The following TIGD7 variants were observed in gnomAD, a reference collection of about 807,000 sequenced individuals.
The protein encoded by TIGD7 is tigger transposable element-derived protein 7.
A neutral mutation model predicts 24.8 loss-of-function variants in TIGD7; 26 were observed. The observed-to-expected ratio is 1.05, with a 90% CI of 0.77 to 1.45. The LOEUF (loss-of-function observed/expected upper bound fraction) is 1.45, where lower values mean the gene tolerates loss of function less well. Ranked by LOEUF, TIGD7 falls within the 40% of genes most tolerant of loss-of-function variation. TIGD7 has a pLI of 0.00. For missense variants in TIGD7, 679 were observed against 641.6 expected (o/e 1.06, Z -0.63); for synonymous variants, 221 against 224.1 (o/e 0.99, Z 0.12).
chr16:3,299,432 T>A lies in TIGD7; in HGVS notation c.1183A>T (p.Ile395Leu), dbSNP rs145207288. The A allele has an allele frequency of 2.2e-3, 3,407 of 1,562,098 alleles. 11 individuals are homozygous for A. The highest frequency in any genetic ancestry group is 3.9e-3 in the Admixed American group (194 of 49,474). Reference sequence around the variant, plus strand: ...AGAAGATTTTCCCATGCATTTGCTATGGTTATTTGTTTTACTTCTTCCCAA... The same window carrying A: ...AGAAGATTTTCCCATGCATTTGCTAAGGTTATTTGTTTTACTTCTTCCCAA... The part of the protein sequence containing the change: ...KSWEEVKQIT[I>L]ANAWENLLYK... The change falls in exon 2 of 2, where the codon ATA (isoleucine) becomes TTA (leucine). Residue 395 changes from isoleucine (I) to leucine (L), a missense_variant. Ile to Leu is a conservative substitution (Grantham distance 5). Transcript: ENST00000396862.
rs1294876260 is a variant in TIGD7 at position 3,299,511 on chromosome 16, A to C, written c.1104T>G (p.Val368=). The part of the protein sequence containing the change: ...DDEQEKGDKG[V]SKIKIYNIKS... ...TTATATTGTAGATTTTAATTTTGGA[A>C]ACTCCTTTATCTCCTTTCTCTTGCT... Residue 368 remains valine (V), a synonymous_variant, in exon 2 of 2, where the codon GTT becomes GTG. Coordinates refer to ENST00000396862, the MANE Select transcript of TIGD7 (RefSeq NM_033208.4). The C allele has an allele frequency of 9.8e-6, 15 of 1,533,922 alleles. No individual in the cohort carries two copies. The highest frequency in any genetic ancestry group is 1.1e-5 in the Non-Finnish European group (13 of 1,144,766).
At position 3,301,370 on chromosome 16, in the gene TIGD7, T is replaced by C. The variant is rs942333300; in HGVS notation, c.-756A>G. On this transcript the variant is annotated 5_prime_UTR_variant, in exon 2 of 2. Coordinates refer to ENST00000396862, the MANE Select transcript of TIGD7 (RefSeq NM_033208.4). ...ACATATGAATGAAATCCAACTTTTA[T>C]TGCATTCAATATAGTATTGTCAAGC... The C allele has an allele frequency of 7.8e-5, 13 of 167,118 alleles. No homozygotes were observed. Among genetic ancestry groups the C allele is most frequent in the Non-Finnish European group, 1.5e-4 (10 of 68,128 alleles). 10.4% of individuals were successfully genotyped at this position (167,118 alleles called of 1,614,324 possible).
Position 3,299,407 on chromosome 16 carries a change from A to G in TIGD7, c.1208T>C (p.Leu403Pro). 1.3e-6 allele frequency: 2 copies of G among 1,553,676 alleles called. No individual in the cohort carries two copies. Among genetic ancestry groups the G allele is most frequent in the Non-Finnish European group, 1.7e-6 (2 of 1,151,168 alleles). The change falls in exon 2 of 2, where the codon CTT becomes CCT. Residue 403 changes from leucine to proline, a missense_variant. By Grantham distance (98) the Leu-to-Pro change is moderately conservative. Coordinates refer to ENST00000396862, the MANE Select transcript of TIGD7 (RefSeq NM_033208.4). ...ATCATATTCAGGTTCCTTTTTGTAAAGAAGATTTTCCCATGCATTTGCTAT... is the reference window on the plus strand; with the variant it reads ...ATCATATTCAGGTTCCTTTTTGTAAGGAAGATTTTCCCATGCATTTGCTAT... ...ITIANAWENL[L>P]YKKEPEYDFQ... is the part of the protein sequence containing the mutation.
In TIGD7 at chr16:3,302,831, G is replaced by A. The variant is rs1425522032; in HGVS notation, c.-1395-822C>T. ...TTCAATGCTTCTCAGCTGTGCCGTC[G>A]TCTTTTTTTTTTTTTTTTTTTTTTG... On this transcript the variant is annotated intron_variant, in intron 1 of 1. Coordinates refer to ENST00000396862, the MANE Select transcript of TIGD7 (RefSeq NM_033208.4). Among the ~76,000 whole-genome samples the A allele has an allele frequency of 1.3e-4, 19 of 143,604 alleles. No homozygotes were observed. The Admixed American group carries it at 1.3e-3, about 10-fold the overall frequency. The allele number at this position is 143,604 out of a possible 152,430, so 94.2% of individuals were successfully genotyped here.
At chr16:3,303,602 G>A (rs968772752) in intron 1 of TIGD7, among the ~76,000 whole-genome samples, 1 of 152,136 alleles carries the variant, frequency 6.6e-6, no homozygotes, top group Non-Finnish European at 1.5e-5. Context: ...AAGTGACTTA[G>A]GCAGATGCTC....
rs2150780000 is a variant in TIGD7, at chr16:3,300,843, G to A, written c.-229C>T. 1 of 559,348 alleles carries A rather than the reference G, an allele frequency of 1.8e-6. No homozygotes were observed. The highest frequency in any genetic ancestry group is 2.9e-6 in the Non-Finnish European group (1 of 343,390). 34.6% of individuals were successfully genotyped at this position (559,348 alleles called of 1,614,324 possible). A position where few individuals can be genotyped will look rare whatever the true frequency, so the allele number is the denominator to read the frequency against. On this transcript the variant is annotated 5_prime_UTR_variant, in exon 2 of 2. An upstream open reading frame in the 5' UTR gains an earlier in-frame stop. Transcript: ENST00000396862. Reference sequence around the variant, plus strand: ...AGCTGCCAGTTGCAAAGTCCTGTCTGGCTCTTGCTCCTGCAAGCCATGAGT... The same window carrying A: ...AGCTGCCAGTTGCAAAGTCCTGTCTAGCTCTTGCTCCTGCAAGCCATGAGT...
rs1460343401 is a variant in TIGD7, at chr16:3,300,557, T to C, written c.58A>G (p.Ser20Gly). Residue 20 changes from serine to glycine, a missense_variant, in exon 2 of 2, where the codon AGT (serine) becomes GGT (glycine). By Grantham distance (56) the Ser-to-Gly change is moderately conservative (BLOSUM62 0). Coordinates refer to ENST00000396862, the MANE Select transcript of TIGD7 (RefSeq NM_033208.4). ...LNLEEKMKVL[S>G]RIEAGRSLKS... Reference sequence around the variant, plus strand: ...AGTGATCGTCCAGCTTCAATTCTACTTAGAACCTTCATTTTCTCCTCCAAA... The same window carrying C: ...AGTGATCGTCCAGCTTCAATTCTACCTAGAACCTTCATTTTCTCCTCCAAA... The C allele has an allele frequency of 1.2e-6, 2 of 1,608,700 alleles. No individual in the cohort carries two copies. Among genetic ancestry groups the C allele is most frequent in the South Asian group, 1.1e-5 (1 of 90,060 alleles).
In TIGD7 at chr16:3,300,688, C is replaced by A. The variant is rs1286228013; in HGVS notation, c.-74G>T. 2.6e-5 allele frequency: 40 copies of A among 1,510,718 alleles called. No individual in the cohort carries two copies. Among genetic ancestry groups the A allele is most frequent in the Non-Finnish European group, 9.7e-6 (11 of 1,134,592 alleles). The allele number at this position is 1,510,718 out of a possible 1,614,324, so 93.6% of individuals were successfully genotyped here. A position where few individuals can be genotyped will look rare whatever the true frequency, so the allele number is the denominator to read the frequency against. Reference sequence around the variant, plus strand: ...CTTAATGAATTGGCAAAAAAAAAACCCACATTTTTTAAACAAAACTTAGCT... The same window carrying A: ...CTTAATGAATTGGCAAAAAAAAAACACACATTTTTTAAACAAAACTTAGCT... On this transcript the variant is annotated 5_prime_UTR_variant, in exon 2 of 2. Coordinates refer to ENST00000396862, the MANE Select transcript of TIGD7 (RefSeq NM_033208.4).
In TIGD7 at chr16:3,298,916, TC is replaced by T. The variant is rs1567257926; in HGVS notation, c.*48del. 8 of 763,880 alleles carry T rather than the reference TC, an allele frequency of 1.0e-5. No individual in the cohort carries two copies. Among genetic ancestry groups the T allele is most frequent in the Non-Finnish European group, 1.5e-5 (8 of 524,500 alleles). The allele number at this position is 763,880 out of a possible 1,614,324, so 47.3% of individuals were successfully genotyped here. Reference sequence around the variant, plus strand: ...ATGTCAGTTGCTAAAACAAGACAATTCACAGCTGGCCTACATCATATAATGG... The same window carrying T: ...ATGTCAGTTGCTAAAACAAGACAATTACAGCTGGCCTACATCATATAATGG... On this transcript the variant is annotated 3_prime_UTR_variant, in exon 2 of 2. Coordinates refer to ENST00000396862, the MANE Select transcript of TIGD7 (RefSeq NM_033208.4).
rs1275544175 is a variant in TIGD7 at position 3,305,358 on chromosome 16, A to G, written c.-1542T>C. On this transcript the variant is annotated 5_prime_UTR_variant, in exon 1 of 2. Coordinates refer to ENST00000396862, the MANE Select transcript of TIGD7 (RefSeq NM_033208.4). ...CCTCTAGGCTTCAGCGGGTCTGGAT[A>G]CTCGGTGGCATTAACCCTTCCCTAC... 3 of 152,370 alleles carry G rather than the reference A, an allele frequency of 2.0e-5. No homozygotes were observed. The East Asian group carries it at 5.8e-4, about 29-fold the overall frequency. 9.4% of individuals were successfully genotyped at this position (152,370 alleles called of 1,614,324 possible).
chr16:3,300,272 C>T lies in TIGD7; in HGVS notation c.343G>A (p.Gly115Arg). 1 of 1,614,180 alleles carries T rather than the reference C, an allele frequency of 6.2e-7. No individual in the cohort carries two copies. The highest frequency in any genetic ancestry group is 1.7e-5 in the Admixed American group (1 of 60,010). The change falls in exon 2 of 2, where the codon GGG (glycine) becomes AGG (arginine). Residue 115 changes from glycine to arginine, a missense_variant. Transcript: ENST00000396862. ...GTGCTAGCTTTGAAATCTGTTCGCC[C>T]AAAACACCGTGCAAATCTCTCTGCA... ...AAAERFARCF[G>R]RTDFKASTGW...
At position 3,303,325 on chromosome 16, in the gene TIGD7, C is replaced by G. The variant is rs138082126; in HGVS notation, c.-1395-1316G>C. Reference sequence around the variant, plus strand: ...TGCTGCCTCTTTTTCCCATGAATCCCTTTTCCCTTTAACCAACTTCCTGTG... The same window carrying G: ...TGCTGCCTCTTTTTCCCATGAATCCGTTTTCCCTTTAACCAACTTCCTGTG... On this transcript the variant is annotated intron_variant, in intron 1 of 1. Transcript: ENST00000396862. 1.8e-3 allele frequency among the ~76,000 whole-genome samples: 280 copies of G among 152,342 alleles called. 2 individuals carry two copies. Among genetic ancestry groups the G allele is most frequent in the Middle Eastern group, 0.01 (3 of 294 alleles).
At position 3,299,513 on chromosome 16, in the gene TIGD7, C is replaced by T. The variant is rs954351026; in HGVS notation, c.1102G>A (p.Val368Ile). Residue 368 changes from valine to isoleucine, a missense_variant, in exon 2 of 2, where the codon GTT (valine) becomes ATT (isoleucine). Physicochemically the swap from Val to Ile is conservative, Grantham distance 29 (BLOSUM62 3). Coordinates refer to ENST00000396862, the MANE Select transcript of TIGD7 (RefSeq NM_033208.4). ...DDEQEKGDKG[V>I]SKIKIYNIKS... ...ATATTGTAGATTTTAATTTTGGAAA[C>T]TCCTTTATCTCCTTTCTCTTGCTCA... The T allele has an allele frequency of 3.3e-6, 5 of 1,528,782 alleles. No individual in the cohort carries two copies. The highest frequency in any genetic ancestry group is 3.5e-6 in the Non-Finnish European group (4 of 1,142,546). The allele number at this position is 1,528,782 out of a possible 1,614,324, so 94.7% of individuals were successfully genotyped here.
rs993957416 is a variant in TIGD7 at position 3,300,968 on chromosome 16, A to G, written c.-354T>C. The G allele has an allele frequency of 5.0e-6, 1 of 200,400 alleles. No homozygotes were observed. Among genetic ancestry groups the G allele is most frequent in the Non-Finnish European group, 1.1e-5 (1 of 89,904 alleles). 12.4% of individuals were successfully genotyped at this position (200,400 alleles called of 1,614,324 possible). A position where few individuals can be genotyped will look rare whatever the true frequency, so the allele number is the denominator to read the frequency against. On this transcript the variant is annotated 5_prime_UTR_variant, in exon 2 of 2. Coordinates refer to ENST00000396862, the MANE Select transcript of TIGD7 (RefSeq NM_033208.4). ...ATACCTGCATACTTTCCCTAACTCA[A>G]TACCGGAAAACGGACAATATGAAGA... is the stretch of plus-strand genomic sequence containing the variant.
Position 3,299,799 on chromosome 16 carries a change from A to T in TIGD7, c.816T>A (p.Pro272=). ...CATTAAGTTGAAAATGTCGGACCTC[A>T]GGAACAAAGTTTTGAAAAAACCATT... The part of the protein sequence containing the change: ...FSEWFFQNFV[P]EVRHFQLNVL... Residue 272 remains proline (P), a synonymous_variant, in exon 2 of 2, where the codon CCT becomes CCA. Transcript: ENST00000396862. The T allele has an allele frequency of 6.3e-7, 1 of 1,583,586 alleles. No homozygotes were observed. The highest frequency in any genetic ancestry group is 1.2e-5 in the South Asian group (1 of 84,736).
chr16:3,300,187 TC>T lies in TIGD7; in HGVS notation c.427del (p.Glu143AsnfsTer4). The T allele has an allele frequency of 6.2e-7, 1 of 1,614,216 alleles. No homozygotes were observed. Among genetic ancestry groups the T allele is most frequent in the Non-Finnish European group, 8.5e-7 (1 of 1,180,044 alleles). On this transcript the variant is annotated frameshift_variant, in exon 2 of 2. Coordinates refer to ENST00000396862, the MANE Select transcript of TIGD7 (RefSeq NM_033208.4). LOFTEE classifies it high-confidence loss of function. ...HAIGNRKGCG[E>X]QVLSSVSENV... The stretch of plus-strand genomic sequence containing the variant: ...TTCAGAAACTGAACTTAGGACTTGT[TC>T]CCCACATCCTTTTCGGTTCCCAATT...
chr16:3,300,522 TAC>T lies in TIGD7; in HGVS notation c.91_92del (p.Val31AsnfsTer3). The T allele has an allele frequency of 1.2e-6, 2 of 1,614,054 alleles. No individual in the cohort carries two copies. On this transcript the variant is annotated frameshift_variant, in exon 2 of 2. Coordinates refer to ENST00000396862, the MANE Select transcript of TIGD7 (RefSeq NM_033208.4). LOFTEE classifies it high-confidence loss of function. ...RIEAGRSLKS[V>X]MDEFGISKST... The stretch of plus-strand genomic sequence containing the variant: ...ACTTACTGATTCCAAATTCATCCAT[TAC>T]ACTTTTAAGTGATCGTCCAGCTTCA...
chr16:3,301,206 T>C lies in TIGD7; in HGVS notation c.-592A>G, dbSNP rs531641486. On this transcript the variant is annotated 5_prime_UTR_variant, in exon 2 of 2. An upstream start codon of the reference 5' UTR is lost. Coordinates refer to ENST00000396862, the MANE Select transcript of TIGD7 (RefSeq NM_033208.4). ...AATGGTGCTCAAATTGCTTTGTACA[T>C]AGTGTTCACTGGGCAGCAGTTCATC... 6.0e-5 allele frequency: 10 copies of C among 167,378 alleles called. No individual in the cohort carries two copies. Among genetic ancestry groups the C allele is most frequent in the African/African-American group, 2.4e-4 (10 of 41,584 alleles). 10.4% of individuals were successfully genotyped at this position (167,378 alleles called of 1,614,324 possible). A position where few individuals can be genotyped will look rare whatever the true frequency, so the allele number is the denominator to read the frequency against.
At position 3,301,492 on chromosome 16, in the gene TIGD7, T is replaced by G. The variant is rs1959938580; in HGVS notation, c.-878A>C. The G allele has an allele frequency of 1.2e-5, 2 of 167,128 alleles. No individual in the cohort carries two copies. The highest frequency in any genetic ancestry group is 4.8e-5 in the African/African-American group (2 of 41,472). The allele number at this position is 167,128 out of a possible 1,614,324, so 10.4% of individuals were successfully genotyped here. On this transcript the variant is annotated 5_prime_UTR_variant, in exon 2 of 2. Coordinates refer to ENST00000396862, the MANE Select transcript of TIGD7 (RefSeq NM_033208.4). ...AGTGGCACTTTACCATTCTCAGATC[T>G]TCTTTCTTGGGAACATCTGATTTAT...
Sources: gnomAD v4.1 joint callset for allele counts (sites outside exome capture counted in the v4.1 genomes callset) on GRCh38, gnomAD v4.1.1 for gene constraint, MANE v1.5 for transcripts, NCBI Gene and HGNC (gene_info 2026-07-23, HGNC 2026-07-21) for gene names.